The following TMEM132C variants were observed in gnomAD, a reference collection of about 807,000 sequenced individuals.
The protein encoded by TMEM132C is transmembrane protein 132C.
TMEM132C carries 29 observed loss-of-function variants against 61.4 expected under a neutral mutation model. The observed-to-expected ratio is 0.47, with a 90% CI of 0.35 to 0.64. The LOEUF is 0.64. Among genes scored for constraint, TMEM132C ranks in the 30% least tolerant of loss-of-function variants. TMEM132C has a pLI of 0.00. For missense variants in TMEM132C, 1,408 were observed against 1,476.9 expected (o/e 0.95, Z 0.76); for synonymous variants, 656 against 633.1 (o/e 1.04, Z -0.54).
intron 8 of TMEM132C, among the ~76,000 whole-genome samples, chr12:128,697,771 A>G (rs1954776633): frequency 2.0e-5 from 3 of 152,194 alleles, no homozygotes; most frequent in Admixed American, 2.0e-4. Context: ...TTCCTTTGAC[A>G]GCCCACATGG....
At chr12:128,659,117 A>G (rs1046841035) in intron 4 of TMEM132C, among the ~76,000 whole-genome samples, 1 of 152,228 alleles carries the variant, frequency 6.6e-6, no homozygotes. Flanking sequence ...AAAGGGCTAG[A>G]TAGTAAATAT....
At chr12:128,309,286 G>T (rs1373781616) in intron 1 of TMEM132C, among the ~76,000 whole-genome samples, 2 of 152,154 alleles carry the variant, frequency 1.3e-5, no homozygotes, top group Admixed American at 1.3e-4. Flanking sequence ...TGGCAAATCA[G>T]CTATTCTTAC....
intron 3 of TMEM132C, among the ~76,000 whole-genome samples, chr12:128,580,315 G>A (rs1168140552): frequency 6.6e-6 from 1 of 152,160 alleles, no homozygotes; most frequent in Non-Finnish European, 1.5e-5. Context: ...CAGCTACTCG[G>A]GAAGCTGAGG....
intron 3 of TMEM132C, among the ~76,000 whole-genome samples, chr12:128,598,167 A>T (rs182294988): frequency 2.2e-4 from 33 of 152,342 alleles, no homozygotes; most frequent in African/African-American, 7.9e-4. Flanking sequence ...CTGTAATCCC[A>T]GTAGTTTGGG....
chr12:128,410,198 A>G (rs1868486733), intron 1 of TMEM132C, among the ~76,000 whole-genome samples: 1 of 152,140 alleles, frequency 6.6e-6, no homozygotes, highest in African/African-American at 2.4e-5. Flanking sequence ...TTGGAGTCTT[A>G]AAGAAGAGTT....
Position 128,317,634 on chromosome 12 carries a change from C to T in TMEM132C, c.85+50147C>T, listed in dbSNP as rs150350150. 1.6e-4 allele frequency among the ~76,000 whole-genome samples: 25 copies of T among 152,330 alleles called. No homozygotes were observed. In the East Asian group the frequency reaches 4.6e-3, roughly 28 times the overall value. ...TCACATTGGCTCATGCCTGTAATCC[C>T]AGCACTTTGGGAAGCCAAGGTGGGC... On this transcript the variant is annotated intron_variant, in intron 1 of 8. Coordinates refer to ENST00000435159, the MANE Select transcript of TMEM132C (RefSeq NM_001136103.3).
At chr12:128,682,044 C>A (rs892822710) in intron 5 of TMEM132C, among the ~76,000 whole-genome samples, 2 of 152,068 alleles carry the variant, frequency 1.3e-5, no homozygotes, top group African/African-American at 4.8e-5. Flanking sequence ...GAATCAAAAT[C>A]CTGAGGTCTC....
chr12:128,458,581 G>A (rs1261629322), intron 2 of TMEM132C, among the ~76,000 whole-genome samples: 2 of 152,032 alleles, frequency 1.3e-5, no homozygotes, highest in Admixed American at 1.3e-4. Context: ...CCCATCATGG[G>A]GAAGGAGGAG....
chr12:128,325,224 A>G (rs947837905), intron 1 of TMEM132C, among the ~76,000 whole-genome samples: 4 of 152,218 alleles, frequency 2.6e-5, no homozygotes, highest in Non-Finnish European at 5.9e-5. Flanking sequence ...ATAGGAAAAC[A>G]GAAAGAAAGA....
chr12:128,406,484 T>C (rs1434857724), intron 1 of TMEM132C, among the ~76,000 whole-genome samples: 2 of 151,960 alleles, frequency 1.3e-5, no homozygotes, highest in Non-Finnish European at 2.9e-5. Flanking sequence ...TGAAAAGATA[T>C]AAAAAAGAGG....
At chr12:128,401,381 C>A (rs1875152196) in intron 1 of TMEM132C, among the ~76,000 whole-genome samples, 1 of 147,980 alleles carries the variant, frequency 6.8e-6, no homozygotes, top group South Asian at 2.1e-4. Flanking sequence ...CTGTCATAGG[C>A]AGGAGAAACA....
intron 3 of TMEM132C, among the ~76,000 whole-genome samples, chr12:128,554,650 T>C (rs1874275984): frequency 6.6e-6 from 1 of 152,198 alleles, no homozygotes; most frequent in Non-Finnish European, 1.5e-5. Flanking sequence ...AACAGCTGTC[T>C]GGGAACTCGA....
intron 4 of TMEM132C, among the ~76,000 whole-genome samples, chr12:128,626,293 A>G (rs942090175): frequency 6.7e-6 from 1 of 149,744 alleles, no homozygotes; most frequent in African/African-American, 2.5e-5. Context: ...CGCCCAGCTA[A>G]TGTTTTGTGT....
At chr12:128,529,073 G>A (rs752683905) in intron 2 of TMEM132C, among the ~76,000 whole-genome samples, 1 of 151,952 alleles carries the variant, frequency 6.6e-6, no homozygotes, top group Non-Finnish European at 1.5e-5. Context: ...GCCTTGCCCT[G>A]TATAACACTC....
chr12:128,383,412 A>G (rs1874477951), intron 1 of TMEM132C, among the ~76,000 whole-genome samples: 1 of 152,120 alleles, frequency 6.6e-6, no homozygotes. Flanking sequence ...GGTGCTAAGG[A>G]GCTCGCAGCC....
intron 1 of TMEM132C, among the ~76,000 whole-genome samples, chr12:128,408,396 A>AC (rs1565927317): frequency 6.6e-6 from 1 of 152,192 alleles, no homozygotes; most frequent in African/African-American, 2.4e-5. Context: ...GAATGCTCCC[A>AC]CTGCAGATGG....
chr12:128,531,487 G>T (rs1385037555), intron 2 of TMEM132C, among the ~76,000 whole-genome samples: 1 of 152,272 alleles, frequency 6.6e-6, no homozygotes, highest in Admixed American at 6.5e-5. Context: ...TGAGAGAGCA[G>T]GGAGTTCTAC....
In TMEM132C at chr12:128,400,950, C is replaced by G. The variant is rs376042288; in HGVS notation, c.86-13782C>G. On this transcript the variant is annotated intron_variant, in intron 1 of 8. Transcript: ENST00000435159. Reference sequence around the variant, plus strand: ...CTTGACAACAGAAAAAATCTCCAGACATTGTAAAATGTACCCTTGGGAGCA... The same window carrying G: ...CTTGACAACAGAAAAAATCTCCAGAGATTGTAAAATGTACCCTTGGGAGCA... Among the ~76,000 whole-genome samples, 69 of 152,228 alleles carry G rather than the reference C, an allele frequency of 4.5e-4. 1 individual carries two copies. The East Asian group carries it at 0.012, about 26-fold the overall frequency.
intron 2 of TMEM132C, among the ~76,000 whole-genome samples, chr12:128,542,518 C>A (rs1210279424): frequency 6.6e-6 from 1 of 152,110 alleles, no homozygotes; most frequent in South Asian, 2.1e-4. Context: ...GTTGGCCAAG[C>A]TAATCTCCAA....
Sources: gnomAD v4.1 joint callset for allele counts (sites outside exome capture counted in the v4.1 genomes callset) on GRCh38, gnomAD v4.1.1 for gene constraint, MANE v1.5 for transcripts, NCBI Gene and HGNC (gene_info 2026-07-23, HGNC 2026-07-21) for gene names.